Variants in FCHSD1 observed in about 807,000 individuals in gnomAD.
The protein encoded by FCHSD1 is FCH and double SH3 domains 1.
A neutral mutation model predicts 101.3 loss-of-function variants in FCHSD1; 109 were observed. The observed-to-expected ratio is 1.08, with a 90% CI of 0.92 to 1.26. The LOEUF is 1.26. FCHSD1 is among the 50% of genes most tolerant of loss of function. FCHSD1 has a pLI of 0.00. For missense variants in FCHSD1, 820 were observed against 895.8 expected, an observed-to-expected ratio of 0.92 and a Z score of 1.08; for synonymous variants, 291 against 356.8, an observed-to-expected ratio of 0.82 and a Z score of 2.08.
chr5:141,648,089 G>T lies in FCHSD1; in HGVS notation c.584C>A (p.Ala195Asp). The T allele has an allele frequency of 6.2e-7, 1 of 1,611,702 alleles. No homozygotes were observed. Among genetic ancestry groups the T allele is most frequent in the Non-Finnish European group, 8.5e-7 (1 of 1,178,316 alleles). The change falls in exon 8 of 20, where the codon GCC becomes GAC. Residue 195 changes from alanine to aspartate, a missense_variant. Coordinates refer to ENST00000435817, the MANE Select transcript of FCHSD1 (RefSeq NM_033449.3). ...SLQKLSTKLSAQSAQYSQQLQ... is the reference protein window; with the variant it reads ...SLQKLSTKLSDQSAQYSQQLQ... ...CTGCTGGGAGTACTGGGCTGACTGG[G>T]CGGACAGCTAGGAGGGTAAACTGAT...
intron 13 of FCHSD1, among the ~76,000 whole-genome samples, chr5:141,645,419 A>G (rs1422567875): frequency 6.6e-6 from 1 of 152,190 alleles, no homozygotes; most frequent in African/African-American, 2.4e-5. Flanking sequence ...ACCCAGTGTT[A>G]ATAGTTTTGC....
Position 141,649,414 on chromosome 5 carries a change from T to G in FCHSD1, c.356A>C (p.Lys119Thr), listed in dbSNP as rs765214288. Reference sequence around the variant, plus strand: ...CCATACCTTCCTAAGCACCTGCTCCTTGGCGCTCCGCCCTGTACCCCCTGC... The same window carrying G: ...CCATACCTTCCTAAGCACCTGCTCCGTGGCGCTCCGCCCTGTACCCCCTGC... The part of the protein sequence containing the change: ...DLAGGTGRSA[K>T]EQVLRKGTEN... The change falls in exon 5 of 20, where the codon AAG (lysine) becomes ACG (threonine). Residue 119 changes from lysine to threonine, a missense_variant. Physicochemically the swap from Lys to Thr is moderately conservative, Grantham distance 78. Coordinates refer to ENST00000435817, the MANE Select transcript of FCHSD1 (RefSeq NM_033449.3). This position sits in a 1 kb window ranked among gnomAD's most constrained non-coding sequence, Gnocchi z 4.1. 6.2e-7 allele frequency: 1 copy of G among 1,614,020 alleles called. No individual in the cohort carries two copies. The highest frequency in any genetic ancestry group is 8.5e-7 in the Non-Finnish European group (1 of 1,179,874).
At chr5:141,642,842 A>T (rs538161141) in intron 18 of FCHSD1, 159 bp downstream of exon 18, 1 of 637,700 alleles carries the variant, frequency 1.6e-6, no homozygotes, top group East Asian at 3.0e-5. Context: ...ACAGAGCGGG[A>T]CCTGAACCAG....
At position 141,647,444 on chromosome 5, in the gene FCHSD1, T is replaced by C; in HGVS notation, c.782A>G (p.Glu261Gly). 6.2e-7 allele frequency: 1 copy of C among 1,611,030 alleles called. No individual in the cohort carries two copies. Among genetic ancestry groups the C allele is most frequent in the African/African-American group, 1.3e-5 (1 of 74,828 alleles). ...SLSHTELEAA[E>G]VILEHAHRGE... ...GCGGTGGGCATGCTCCAGGATGACCTCTGCGGCTTCCAGCTCAGTGTGGCT... is the reference window on the plus strand; with the variant it reads ...GCGGTGGGCATGCTCCAGGATGACCCCTGCGGCTTCCAGCTCAGTGTGGCT... The change falls in exon 9 of 20, where the codon GAG becomes GGG. Residue 261 changes from glutamate to glycine, a missense_variant. Coordinates refer to ENST00000435817, the MANE Select transcript of FCHSD1 (RefSeq NM_033449.3).
At position 141,644,674 on chromosome 5, in the gene FCHSD1, C is replaced by T. The variant is rs761951028; in HGVS notation, c.1541G>A (p.Gly514Asp). ...DEWVKARNQH[G>D]EVGFVPERYL... ...TCGCTCAGGGACAAAGCCTACCTCGCCGTGCTGGTTCCGAGCCTGCTCACC... is the reference window on the plus strand; with the variant it reads ...TCGCTCAGGGACAAAGCCTACCTCGTCGTGCTGGTTCCGAGCCTGCTCACC... Residue 514 changes from glycine to aspartate, a missense_variant, in exon 16 of 20, where the codon GGC becomes GAC. Physicochemically the swap from Gly to Asp is moderately conservative, Grantham distance 94 (BLOSUM62 -1). Transcript: ENST00000435817. 2 of 1,613,804 alleles carry T rather than the reference C, an allele frequency of 1.2e-6. No homozygotes were observed. The highest frequency in any genetic ancestry group is 1.3e-5 in the African/African-American group (1 of 74,882).
chr5:141,643,272 T>C (rs954999369), intron 17 of FCHSD1, among the ~76,000 whole-genome samples, 184 bp from the exon 18 acceptor site: 2 of 152,098 alleles, frequency 1.3e-5, no homozygotes, highest in African/African-American at 2.4e-5. Context: ...TGAACGCTTA[T>C]GTTTACTATG....
At chr5:141,650,455 T>C in intron 2 of FCHSD1, 51 bp from the exon 3 acceptor site, 1 of 1,612,250 alleles carries the variant, frequency 6.2e-7, no homozygotes, top group Non-Finnish European at 8.5e-7. Context: ...TTATGTTTGG[T>C]CCTGTTCTCC....
In FCHSD1 at chr5:141,644,273, A is replaced by G. The variant is rs1452970192; in HGVS notation, c.1808T>C (p.Leu603Pro). ...GGRVGVFPSL[L>P]VEELLGPPGP... The stretch of plus-strand genomic sequence containing the variant: ...TGGGGGGCCAAGCAGCTCTTCCACC[A>G]GCAGGGAGGGGAAGACCCCAACACG... The change falls in exon 17 of 20, where the codon CTG (leucine) becomes CCG (proline). Residue 603 changes from leucine (L) to proline (P), a missense_variant. Coordinates refer to ENST00000435817, the MANE Select transcript of FCHSD1 (RefSeq NM_033449.3). 3 of 1,613,672 alleles carry G rather than the reference A, an allele frequency of 1.9e-6. No individual in the cohort carries two copies. Among genetic ancestry groups the G allele is most frequent in the South Asian group, 1.1e-5 (1 of 91,000 alleles).
In FCHSD1 at chr5:141,639,559, G is replaced by A; in HGVS notation, c.*1939C>T. On this transcript the variant is annotated 3_prime_UTR_variant, in exon 20 of 20. Transcript: ENST00000435817. This position sits in a 1 kb window ranked among gnomAD's most constrained non-coding sequence, Gnocchi z 4.4. ...GCCCCTTGCCTCCATTGCAGCCGCA[G>A]CAAGAGGCCTCCACTTGTCCGTCAG... The A allele has an allele frequency of 1.2e-6, 2 of 1,614,038 alleles. No homozygotes were observed. Among genetic ancestry groups the A allele is most frequent in the Non-Finnish European group, 1.7e-6 (2 of 1,180,012 alleles).
Position 141,640,064 on chromosome 5 carries a change from G to A in FCHSD1, c.*1434C>T. The A allele has an allele frequency of 6.2e-7, 1 of 1,613,456 alleles. No individual in the cohort carries two copies. The highest frequency in any genetic ancestry group is 8.5e-7 in the Non-Finnish European group (1 of 1,179,676). Reference sequence around the variant, plus strand: ...GGGGAGGGCAGCCCAAGGCAGGGATGCCTGCCATGGAGAGGCTGCCCCCTG... The same window carrying A: ...GGGGAGGGCAGCCCAAGGCAGGGATACCTGCCATGGAGAGGCTGCCCCCTG... On this transcript the variant is annotated 3_prime_UTR_variant, in exon 20 of 20. Coordinates refer to ENST00000435817, the MANE Select transcript of FCHSD1 (RefSeq NM_033449.3).
chr5:141,647,206 G>T lies in FCHSD1; in HGVS notation c.853C>A (p.Leu285Met). ...AATACACCAGGCTCCTGAAGAAACA[G>T]CTTCAGGTCTTGCTCCCAGCTTACC... ...SQVSWEQDLK[L>M]FLQEPGVFSP... is the part of the protein sequence containing the mutation. Residue 285 changes from leucine to methionine, a missense_variant, in exon 10 of 20, where the codon CTG becomes ATG. Leu to Met is a conservative substitution (Grantham distance 15, BLOSUM62 2). Transcript: ENST00000435817. The T allele has an allele frequency of 6.2e-7, 1 of 1,608,364 alleles. No individual in the cohort carries two copies. The highest frequency in any genetic ancestry group is 2.2e-5 in the East Asian group (1 of 44,740).
At position 141,641,749 on chromosome 5, in the gene FCHSD1, G is replaced by A. The variant is rs2099906926; in HGVS notation, c.1960C>T (p.Leu654=). The A allele has an allele frequency of 6.2e-7, 1 of 1,613,914 alleles. No individual in the cohort carries two copies. Among genetic ancestry groups the A allele is most frequent in the African/African-American group, 1.3e-5 (1 of 74,932 alleles). ...ATGTCCAGGAACCCAGGGAAGTCCA[G>A]GGCTTTGTCTGGAAATAAGAACCAC... ...PAPVLPGDKA[L]DFPGFLDMMA... is the part of the protein sequence containing the mutation. Residue 654 remains leucine (L), a synonymous_variant, in exon 19 of 20, where the codon CTG becomes TTG. Transcript: ENST00000435817.
rs1334356973 is a variant in FCHSD1, at chr5:141,639,972, G to C, written c.*1526C>G. 6.2e-7 allele frequency: 1 copy of C among 1,613,984 alleles called. No homozygotes were observed. The highest frequency in any genetic ancestry group is 1.3e-5 in the African/African-American group (1 of 75,050). On this transcript the variant is annotated 3_prime_UTR_variant, in exon 20 of 20. Coordinates refer to ENST00000435817, the MANE Select transcript of FCHSD1 (RefSeq NM_033449.3). This position sits in a 1 kb window ranked among gnomAD's most constrained non-coding sequence, Gnocchi z 4.4. ...CTATGGACTGCACGAACACCGTGAT[G>C]GCTCCCCCACAGACAGGAGCTGGGG...
chr5:141,649,198 C>T lies in FCHSD1; in HGVS notation c.486G>A (p.Gln162=). The T allele has an allele frequency of 1.9e-6, 3 of 1,614,026 alleles. No homozygotes were observed. The highest frequency in any genetic ancestry group is 2.5e-6 in the Non-Finnish European group (3 of 1,179,896). ...TGGCCTGGACATCAGCCGCCTTCTC[C>T]TGTGCCAAGGCCCACACACGTTCCC... ...GQRERVWALA[Q]EKAADVQARL... Residue 162 remains glutamine (Q), a synonymous_variant, in exon 6 of 20, where the codon CAG becomes CAA. Coordinates refer to ENST00000435817, the MANE Select transcript of FCHSD1 (RefSeq NM_033449.3). The surrounding 1 kb of genome is among the most constrained non-coding windows in gnomAD (Gnocchi z 4.1).
rs755530150 is a variant in FCHSD1, at chr5:141,645,924, C to T, written c.1158G>A (p.Gln386=). Residue 386 remains glutamine (Q), a synonymous_variant, in exon 13 of 20, where the codon CAG becomes CAA. Coordinates refer to ENST00000435817, the MANE Select transcript of FCHSD1 (RefSeq NM_033449.3). ...GGGCCAGCCGGGCAGCCCCCTTCAC[C>T]TGGCTCACCTGCCATGGGGAGGAAG... The part of the protein sequence containing the change: ...RESIRRAQVS[Q]VKGAARLALL... 3 of 1,565,268 alleles carry T rather than the reference C, an allele frequency of 1.9e-6. No individual in the cohort carries two copies. Among genetic ancestry groups the T allele is most frequent in the Admixed American group, 3.8e-5 (2 of 52,534 alleles).
Position 141,649,635 on chromosome 5 carries a change from T to G in FCHSD1, c.234-99A>C. On this transcript the variant is annotated intron_variant, in intron 4 of 19. Transcript: ENST00000435817. The surrounding 1 kb of genome is among the most constrained non-coding windows in gnomAD (Gnocchi z 4.1). ...CTGACCAACACCATGGGAGACAGAG[T>G]GCTTTCCCATCCTCCCTTGTCTGGG... The G allele has an allele frequency of 6.9e-7, 1 of 1,442,364 alleles. No homozygotes were observed. The highest frequency in any genetic ancestry group is 9.2e-7 in the Non-Finnish European group (1 of 1,084,354). 89.3% of individuals were successfully genotyped at this position (1,442,364 alleles called of 1,614,324 possible).
Position 141,647,424 on chromosome 5 carries a change from G to C in FCHSD1, c.802C>G (p.His268Asp). 1 of 1,603,962 alleles carries C rather than the reference G, an allele frequency of 6.2e-7. No individual in the cohort carries two copies. Among genetic ancestry groups the C allele is most frequent in the Non-Finnish European group, 8.5e-7 (1 of 1,174,368 alleles). The change falls in exon 9 of 20, where the codon CAC becomes GAC. Residue 268 changes from histidine (H) to aspartate (D), a missense_variant. By Grantham distance (81) the His-to-Asp change is moderately conservative (BLOSUM62 -1). Coordinates refer to ENST00000435817, the MANE Select transcript of FCHSD1 (RefSeq NM_033449.3). ...TGGGAGGTTGTCTGCTCCCCGCGGT[G>C]GGCATGCTCCAGGATGACCTCTGCG... ...EAAEVILEHA[H>D]RGEQTTSQVS...
chr5:141,640,789 C>T lies in FCHSD1; in HGVS notation c.*709G>A. ...AGCTGAGGGACCAGCTCTACTTCCA[C>T]CTGGAGTTGCACAGTCTCAGGCTGG... On this transcript the variant is annotated 3_prime_UTR_variant, in exon 20 of 20. Transcript: ENST00000435817. 1 of 962,862 alleles carries T rather than the reference C, an allele frequency of 1.0e-6. No homozygotes were observed. The highest frequency in any genetic ancestry group is 1.6e-5 in the African/African-American group (1 of 60,834). The allele number at this position is 962,862 out of a possible 1,614,324, so 59.6% of individuals were successfully genotyped here. A position where few individuals can be genotyped will look rare whatever the true frequency, so the allele number is the denominator to read the frequency against.
rs919572805 is a variant in FCHSD1 at position 141,639,482 on chromosome 5, C to G, written c.*2016G>C. 3 of 1,611,850 alleles carry G rather than the reference C, an allele frequency of 1.9e-6. No individual in the cohort carries two copies. The highest frequency in any genetic ancestry group is 2.5e-6 in the Non-Finnish European group (3 of 1,178,602). On this transcript the variant is annotated 3_prime_UTR_variant, in exon 20 of 20. Transcript: ENST00000435817. The surrounding 1 kb of genome is among the most constrained non-coding windows in gnomAD (Gnocchi z 4.4). ...TGTCCAGTGTGGATGCCACCTCCAGCCTGCAGGACGGAGCCCCCTCCCATC... is the reference window on the plus strand; with the variant it reads ...TGTCCAGTGTGGATGCCACCTCCAGGCTGCAGGACGGAGCCCCCTCCCATC...
Sources: gnomAD v4.1 joint callset for allele counts (sites outside exome capture counted in the v4.1 genomes callset) on GRCh38, gnomAD v4.1.1 for gene constraint, Gnocchi (gnomAD v3.1) non-coding constraint, MANE v1.5 for transcripts, NCBI Gene and HGNC (gene_info 2026-07-23, HGNC 2026-07-21) for gene names.